STK10: variants seen among roughly 807,000 people sequenced by gnomAD.
The protein encoded by STK10 is serine/threonine kinase 10.
STK10 carries 78 observed loss-of-function variants against 113.8 expected under a neutral mutation model. That is an observed-to-expected ratio of 0.69 (90% CI 0.57 to 0.83). The LOEUF (loss-of-function observed/expected upper bound fraction) is 0.83, where lower values mean the gene tolerates loss of function less well. Ranked by LOEUF, STK10 falls within the 40% of genes least tolerant of loss-of-function variation. The probability of loss-of-function intolerance (pLI) is 0.00; values close to 1 mark genes in which losing one functional copy is unlikely to be tolerated. For synonymous variants in STK10, 465 were observed against 494.7 expected, an observed-to-expected ratio of 0.94 and a Z score of 0.80; for missense variants, 1,109 against 1,280.1, an observed-to-expected ratio of 0.87 and a Z score of 2.04.
At chr5:172,048,414 TACACACACACACACACACACACACAC>T (rs370301917) in intron 18 of STK10, among the ~76,000 whole-genome samples, 1 of 128,394 alleles carries the variant, frequency 7.8e-6, no homozygotes, top group Non-Finnish European at 1.6e-5. Flanking sequence ...TCCCTCTCCC[TACACACACACACACACACACACACAC>T]ACACACACAC....
intron 10 of STK10, among the ~76,000 whole-genome samples, chr5:172,089,310 C>A (rs1768635029): frequency 6.6e-6 from 1 of 152,098 alleles, no homozygotes; most frequent in East Asian, 1.9e-4. Context: ...GTATGTTGGC[C>A]CATTAGGTGT....
rs140148895 is a variant in STK10, at chr5:172,107,693, G to A, written c.593+87C>T. ...GCAGGGCGTGTAGCCCTTGTCTTCC[G>A]GCCCCTCTCTGTCTAAAGCGCCTGG... On this transcript the variant is annotated intron_variant, in intron 5 of 18. Transcript: ENST00000176763. 67 of 997,244 alleles carry A rather than the reference G, an allele frequency of 6.7e-5. No individual in the cohort carries two copies. The Middle Eastern group carries it at 7.4e-4, about 11-fold the overall frequency. 61.8% of individuals were successfully genotyped at this position (997,244 alleles called of 1,614,324 possible).
chr5:172,150,074 A>C (rs970638062), intron 2 of STK10, among the ~76,000 whole-genome samples: 1 of 150,612 alleles, frequency 6.6e-6, no homozygotes, highest in Non-Finnish European at 1.5e-5. Flanking sequence ...AAAAGAAAGA[A>C]AGACCTCCTT....
At chr5:172,119,491 G>C (rs527263503) in intron 3 of STK10, among the ~76,000 whole-genome samples, 1 of 152,212 alleles carries the variant, frequency 6.6e-6, no homozygotes, top group Non-Finnish European at 1.5e-5. Flanking sequence ...AAAGGTTGGA[G>C]AATCACTTGA....
At chr5:172,100,828 G>A (rs900381540) in intron 7 of STK10, among the ~76,000 whole-genome samples, 12 of 152,042 alleles carry the variant, frequency 7.9e-5, no homozygotes, top group South Asian at 2.1e-4. Flanking sequence ...AATAATGCTC[G>A]CAGTTTTCAG....
At chr5:172,183,088 T>A (rs1313700397) in intron 1 of STK10, among the ~76,000 whole-genome samples, 1 of 152,082 alleles carries the variant, frequency 6.6e-6, no homozygotes, top group East Asian at 1.9e-4. Context: ...GTGCCTGTAG[T>A]CCCAGCTACT....
chr5:172,119,602 C>T (rs1022484833), intron 3 of STK10, among the ~76,000 whole-genome samples: 3 of 152,010 alleles, frequency 2.0e-5, no homozygotes, highest in Non-Finnish European at 2.9e-5. Context: ...CGGTGGCTCA[C>T]GCCTGTAATC....
intron 12 of STK10, among the ~76,000 whole-genome samples, chr5:172,067,972 T>C (rs1180391965): frequency 2.0e-5 from 3 of 151,946 alleles, no homozygotes; most frequent in East Asian, 1.9e-4. Flanking sequence ...CACAGGAAAA[T>C]AATGACTCCA....
In STK10 at chr5:172,096,431, C is replaced by T. The variant is rs183967336; in HGVS notation, c.1000G>A (p.Ala334Thr). 153 of 1,612,118 alleles carry T rather than the reference C, an allele frequency of 9.5e-5. No homozygotes were observed. Among genetic ancestry groups the T allele is most frequent in the Non-Finnish European group, 1.2e-4 (147 of 1,179,924 alleles). The change falls in exon 8 of 19, where the codon GCC becomes ACC. Residue 334 changes from alanine (A) to threonine (T), a missense_variant. By Grantham distance (58) the Ala-to-Thr change is moderately conservative (BLOSUM62 0). Transcript: ENST00000176763. ...CCCACTCTCCCTGGCCTTACGGAGG[C>T]GGCATCCACGGCGTCCTCCTCTTCC... The part of the protein sequence containing the change: ...EGEEEDAVDA[A>T]STLENHTQNS...
intron 1 of STK10, among the ~76,000 whole-genome samples, chr5:172,175,457 C>T (rs931429763): frequency 6.6e-6 from 1 of 152,114 alleles, no homozygotes; most frequent in Admixed American, 6.5e-5. Flanking sequence ...GACCCAGAGA[C>T]ACCCTGCACT....
chr5:172,111,119 G>C (rs1006169814), intron 4 of STK10, among the ~76,000 whole-genome samples: 4 of 152,172 alleles, frequency 2.6e-5, no homozygotes, highest in African/African-American at 7.2e-5. Context: ...TGGCTCTGCT[G>C]ATGACTCTGG....
intron 2 of STK10, among the ~76,000 whole-genome samples, chr5:172,153,677 GA>G (rs1770292140): frequency 6.6e-6 from 1 of 152,358 alleles, no homozygotes; most frequent in East Asian, 1.9e-4. Context: ...TATCCACATG[GA>G]AAAGTGGGCT....
chr5:172,055,499 C>T (rs1307812442), intron 16 of STK10, 89 bp downstream of exon 16: 3 of 1,247,282 alleles, frequency 2.4e-6, no homozygotes, highest in Non-Finnish European at 3.1e-6. Context: ...GTTTCATATT[C>T]TCCAAAACTG....
chr5:172,079,583 T>C (rs906642184), intron 12 of STK10, among the ~76,000 whole-genome samples: 3 of 151,988 alleles, frequency 2.0e-5, no homozygotes, highest in African/African-American at 4.8e-5. Flanking sequence ...ATTTTTGAGA[T>C]GGAGTTTTGC....
At position 172,161,798 on chromosome 5, in the gene STK10, G is replaced by T. The variant is rs186136882; in HGVS notation, c.157-5010C>A. 5.3e-5 allele frequency among the ~76,000 whole-genome samples: 8 copies of T among 152,250 alleles called. No individual in the cohort carries two copies. In the East Asian group the frequency reaches 9.7e-4, roughly 18 times the overall value. ...CCGAGGCAGAGTACCCTAGGAATGAGGCGGCAGAGTGGGCTTGGAACTAAG... is the reference window on the plus strand; with the variant it reads ...CCGAGGCAGAGTACCCTAGGAATGATGCGGCAGAGTGGGCTTGGAACTAAG... On this transcript the variant is annotated intron_variant, in intron 1 of 18. Coordinates refer to ENST00000176763, the MANE Select transcript of STK10 (RefSeq NM_005990.4).
intron 1 of STK10, among the ~76,000 whole-genome samples, chr5:172,173,444 AGG>A (rs1239438130): frequency 3.9e-5 from 6 of 152,194 alleles, no homozygotes. Flanking sequence ...GGAGCTTTCC[AGG>A]AAGGAGAGTG....
chr5:172,061,020 T>G, intron 14 of STK10, 119 bp downstream of exon 14: 2 of 1,402,374 alleles, frequency 1.4e-6, no homozygotes, highest in Non-Finnish European at 1.9e-6. Context: ...TGAAGAATGA[T>G]GTTTAGTTTT....
At chr5:172,149,605 G>A (rs967479397) in intron 2 of STK10, among the ~76,000 whole-genome samples, 3 of 151,968 alleles carry the variant, frequency 2.0e-5, no homozygotes, top group East Asian at 1.9e-4. Flanking sequence ...CAGGGAGCCC[G>A]AGGAAGACCA....
intron 6 of STK10, 144 bp downstream of exon 6, chr5:172,106,476 G>A: frequency 1.3e-6 from 1 of 750,418 alleles, no homozygotes. Flanking sequence ...AACGCCTGAA[G>A]ACCCCCAGGC....
Sources: allele counts gnomAD v4.1 joint callset (sites outside exome capture counted in the v4.1 genomes callset), GRCh38; gene constraint gnomAD v4.1.1; transcripts MANE v1.5; gene names NCBI Gene and HGNC (gene_info 2026-07-23, HGNC 2026-07-21).